The following CADPS variants were observed in gnomAD, a reference collection of about 807,000 sequenced individuals.
The protein encoded by CADPS is calcium-dependent secretion activator 1.
CADPS carries 57 observed loss-of-function variants against 167.3 expected under a neutral mutation model. The observed-to-expected ratio is 0.34, with a 90% CI of 0.28 to 0.42. CADPS has a LOEUF of 0.42. Ranked by LOEUF, CADPS falls within the 20% of genes least tolerant of loss-of-function variation. The pLI is 1.00. For synonymous variants in CADPS, 676 were observed against 635.3 expected, an observed-to-expected ratio of 1.06 and a Z score of -0.96; for missense variants, 1,414 against 1,738.1, an observed-to-expected ratio of 0.81 and a Z score of 3.32.
In CADPS at chr3:62,445,286, AATTT is replaced by A. The variant is rs547688509; in HGVS notation, c.3669+475_3669+478del. Among the ~76,000 whole-genome samples, 15 of 152,298 alleles carry A rather than the reference AATTT, an allele frequency of 9.8e-5. No homozygotes were observed. In the South Asian group the frequency reaches 2.7e-3, roughly 27 times the overall value. ...TTGACCCCAAAATGAACAAATTTAGAATTTATTTGTTTTTTTTATTAGGTTGGTG... is the reference window on the plus strand; with the variant it reads ...TTGACCCCAAAATGAACAAATTTAGAATTTGTTTTTTTTATTAGGTTGGTG... On this transcript the variant is annotated intron_variant, in intron 27 of 29. Coordinates refer to ENST00000383710, the MANE Select transcript of CADPS (RefSeq NM_003716.4).
intron 1 of CADPS, among the ~76,000 whole-genome samples, chr3:62,819,811 G>C (rs762259776): frequency 6.6e-6 from 1 of 152,180 alleles, no homozygotes; most frequent in Non-Finnish European, 1.5e-5. Context: ...GGAACAATAA[G>C]TACTGTCCTG....
At position 62,471,546 on chromosome 3, in the gene CADPS, A is replaced by G. The variant is rs949868424; in HGVS notation, c.3477+2627T>C. 1.4e-4 allele frequency among the ~76,000 whole-genome samples: 22 copies of G among 152,182 alleles called. 1 individual carries two copies. Among genetic ancestry groups the G allele is most frequent in the Non-Finnish European group, 1.2e-4 (8 of 68,022 alleles). On this transcript the variant is annotated intron_variant, in intron 24 of 29. Coordinates refer to ENST00000383710, the MANE Select transcript of CADPS (RefSeq NM_003716.4). The stretch of plus-strand genomic sequence containing the variant: ...TCAAAAGCAAAACAGCCCAGATCAA[A>G]GTGACTTGGCTTGTTTGGAAGAATT...
chr3:62,850,601 T>A (rs1400431821), intron 1 of CADPS, among the ~76,000 whole-genome samples: 2 of 145,254 alleles, frequency 1.4e-5, no homozygotes, highest in Non-Finnish European at 3.1e-5. Flanking sequence ...AGATTCTTAA[T>A]CCTGAGTTCT....
intron 10 of CADPS, among the ~76,000 whole-genome samples, chr3:62,554,696 C>T (rs1486576506): frequency 6.6e-6 from 1 of 152,152 alleles, no homozygotes; most frequent in African/African-American, 2.4e-5. Flanking sequence ...TGACCTCTCC[C>T]TACTTCTGGT....
chr3:62,753,558 C>T lies in CADPS; in HGVS notation c.771G>A (p.Arg257=), dbSNP rs2083192556. ...GCTCGGAGGCTGCGCTGGCTGTCAT[C>T]CGGGCCTGCTGCTTCCGCGGGTCCT... ...GEEDPRKQQA[R]MTASAASELI... is the part of the protein sequence containing the mutation. The change falls in exon 3 of 30, where the codon CGG becomes CGA. Residue 257 remains arginine (R), a synonymous_variant. Transcript: ENST00000383710. The surrounding 1 kb of genome is among the most constrained non-coding windows in gnomAD (Gnocchi z 4.6). 6.2e-7 allele frequency: 1 copy of T among 1,614,140 alleles called. No individual in the cohort carries two copies. Among genetic ancestry groups the T allele is most frequent in the Non-Finnish European group, 8.5e-7 (1 of 1,180,028 alleles).
intron 1 of CADPS, among the ~76,000 whole-genome samples, chr3:62,851,529 T>C (rs1179591481): frequency 3.4e-5 from 5 of 147,786 alleles, no homozygotes; most frequent in Non-Finnish European, 3.0e-5. Flanking sequence ...CTCCTTCACT[T>C]ATGAAGCTTA....
chr3:62,502,905 C>A (rs1256270860), intron 17 of CADPS, among the ~76,000 whole-genome samples: 1 of 151,866 alleles, frequency 6.6e-6, no homozygotes, highest in East Asian at 1.9e-4. Context: ...CAAAGGGTGA[C>A]AAGTAAGATG....
rs2076219004 is a variant in CADPS at position 62,544,911 on chromosome 3, CA to C, written c.1966+4991del. On this transcript the variant is annotated intron_variant, in intron 11 of 29. Transcript: ENST00000383710. The surrounding 1 kb of genome is among the most constrained non-coding windows in gnomAD (Gnocchi z 4.4). ...CAAACCAGAATAACATAAAGACTAG[CA>C]ACAAGGCTCAGGAAAGCAGACAGGA... The C allele has an allele frequency of 8.7e-7, 1 of 1,145,524 alleles. No individual in the cohort carries two copies. 71.0% of individuals were successfully genotyped at this position (1,145,524 alleles called of 1,614,324 possible). A position where few individuals can be genotyped will look rare whatever the true frequency, so the allele number is the denominator to read the frequency against.
chr3:62,410,551 C>A (rs753070705), intron 28 of CADPS, among the ~76,000 whole-genome samples: 1 of 152,196 alleles, frequency 6.6e-6, no homozygotes, highest in Non-Finnish European at 1.5e-5. Flanking sequence ...AGAAAATGCA[C>A]GTGACTCAGA....
intron 3 of CADPS, among the ~76,000 whole-genome samples, chr3:62,752,112 A>G (rs567446669): frequency 2.6e-5 from 4 of 152,344 alleles, no homozygotes; most frequent in Non-Finnish European, 4.4e-5. Flanking sequence ...TGATTTTTCA[A>G]TATTGAAGCT....
intron 17 of CADPS, among the ~76,000 whole-genome samples, chr3:62,509,307 AGAAAG>A (rs751306425): frequency 0.017 from 2,029 of 119,976 alleles, 63 homozygotes; most frequent in South Asian, 0.038. Context: ...AAAAAAAAAA[AGAAAG>A]AAAGAAAGAA....
intron 1 of CADPS, among the ~76,000 whole-genome samples, chr3:62,810,812 G>A (rs1047015335): frequency 4.6e-5 from 7 of 152,198 alleles, no homozygotes; most frequent in African/African-American, 1.7e-4. Context: ...TAGAAATGCT[G>A]CCCATTAGGG....
At chr3:62,830,797 C>A (rs1408302208) in intron 1 of CADPS, among the ~76,000 whole-genome samples, 1 of 152,124 alleles carries the variant, frequency 6.6e-6, no homozygotes, top group African/African-American at 2.4e-5. Context: ...ATTATTCTTA[C>A]CTTCTCATCA....
chr3:62,717,639 C>G (rs541602623), intron 3 of CADPS, among the ~76,000 whole-genome samples: 157 of 152,268 alleles, frequency 1.0e-3, no homozygotes, highest in African/African-American at 3.7e-3. Context: ...TTGACAGCTT[C>G]TCAATATCAC....
chr3:62,803,144 A>G (rs2093876416), intron 1 of CADPS, among the ~76,000 whole-genome samples: 1 of 152,092 alleles, frequency 6.6e-6, no homozygotes, highest in Non-Finnish European at 1.5e-5. Context: ...ATGCAACTCC[A>G]CATTGCTACA....
chr3:62,423,238 A>G (rs572804705), intron 28 of CADPS, among the ~76,000 whole-genome samples: 1 of 152,340 alleles, frequency 6.6e-6, no homozygotes, highest in East Asian at 1.9e-4. Flanking sequence ...GCTTGAGTCC[A>G]GTGACAATGT....
intron 10 of CADPS, among the ~76,000 whole-genome samples, chr3:62,556,831 G>A (rs902410782): frequency 6.6e-6 from 1 of 151,878 alleles, no homozygotes; most frequent in Non-Finnish European, 1.5e-5. Context: ...GTCTCTGCTT[G>A]TGGATTGGTG....
chr3:62,725,350 T>C (rs779649928), intron 3 of CADPS, among the ~76,000 whole-genome samples: 2 of 152,218 alleles, frequency 1.3e-5, no homozygotes, highest in Non-Finnish European at 2.9e-5. Context: ...CTAATGATTA[T>C]GGTACTGGAC....
chr3:62,771,736 C>A (rs304190), intron 1 of CADPS, among the ~76,000 whole-genome samples: 144,615 of 152,274 alleles, frequency 0.95, 68,754 homozygotes, highest in East Asian at 1. Context: ...TTGTAGAAGA[C>A]AGTGCTGCAG....
Sources: gnomAD v4.1 joint callset for allele counts (sites outside exome capture counted in the v4.1 genomes callset) on GRCh38, gnomAD v4.1.1 for gene constraint, Gnocchi (gnomAD v3.1) non-coding constraint, MANE v1.5 for transcripts, NCBI Gene and HGNC (gene_info 2026-07-23, HGNC 2026-07-21) for gene names.